The following SHQ1 variants were observed in gnomAD, a reference collection of about 807,000 sequenced individuals.
The protein encoded by SHQ1 is SHQ1, H/ACA ribonucleoprotein assembly factor, also known as protein SHQ1 homolog.
In SHQ1, 49 loss-of-function variants were observed where a neutral mutation model predicts 53.8. That is an observed-to-expected ratio of 0.91 (90% CI 0.72 to 1.16). The LOEUF (loss-of-function observed/expected upper bound fraction) is 1.16, where lower values mean the gene tolerates loss of function less well. Ranked by LOEUF, SHQ1 falls within the 50% of genes most tolerant of loss-of-function variation. The pLI is 0.00. For missense variants in SHQ1, 738 were observed against 683.1 expected, an observed-to-expected ratio of 1.08 and a Z score of -0.90; for synonymous variants, 243 against 251.0, an observed-to-expected ratio of 0.97 and a Z score of 0.30.
At chr3:72,766,487 C>G (rs1391367393) in intron 10 of SHQ1, among the ~76,000 whole-genome samples, 1 of 152,176 alleles carries the variant, frequency 6.6e-6, no homozygotes, top group Admixed American at 6.5e-5. Context: ...CACAGGTCAT[C>G]TTGTTCTTGA....
Position 72,848,307 on chromosome 3 carries a change from G to A in SHQ1, c.34C>T (p.Pro12Ser), listed in dbSNP as rs759093041. The change falls in exon 1 of 11, where the codon CCG (proline) becomes TCG (serine). Residue 12 changes from proline to serine, a missense_variant. Physicochemically the swap from Pro to Ser is moderately conservative, Grantham distance 74. Coordinates refer to ENST00000325599, the MANE Select transcript of SHQ1 (RefSeq NM_018130.3). ...LTPAFDLSQD[P>S]DFLTIAIRVP... ...CGGATGGCGATAGTCAGGAAGTCCG[G>A]ATCCTGGCTGAGGTCGAACGCCGGG... is the stretch of plus-strand genomic sequence containing the variant. The A allele has an allele frequency of 1.1e-5, 17 of 1,614,024 alleles. No homozygotes were observed. In the South Asian group the frequency reaches 1.1e-4, roughly 10 times the overall value.
At chr3:72,814,819 A>G (rs1707257240) in intron 8 of SHQ1, among the ~76,000 whole-genome samples, 1 of 152,194 alleles carries the variant, frequency 6.6e-6, no homozygotes, top group South Asian at 2.1e-4. Flanking sequence ...ACCAGACTAC[A>G]TTTGAATTGT....
intron 5 of SHQ1, among the ~76,000 whole-genome samples, chr3:72,827,485 G>A (rs569545175): frequency 6.6e-6 from 1 of 151,798 alleles, no homozygotes; most frequent in Admixed American, 6.6e-5. Flanking sequence ...CCATGATGAA[G>A]GGAAAAAGAA....
rs958236571 is a variant in SHQ1 at position 72,749,574 on chromosome 3, G to A, written c.*710C>T. 22 of 220,926 alleles carry A rather than the reference G, an allele frequency of 1.0e-4. No individual in the cohort carries two copies. Among genetic ancestry groups the A allele is most frequent in the East Asian group, 6.6e-4 (10 of 15,124 alleles). 13.7% of individuals were successfully genotyped at this position (220,926 alleles called of 1,614,324 possible). On this transcript the variant is annotated 3_prime_UTR_variant, in exon 11 of 11. Coordinates refer to ENST00000325599, the MANE Select transcript of SHQ1 (RefSeq NM_018130.3). ...AAGGGCACTTGGGAATGATGGGTCC[G>A]TTCCTCACTTCAGTTGTGGTGATAG...
chr3:72,812,884 A>C, intron 8 of SHQ1, 90 bp from the exon 9 acceptor site: 1 of 1,498,958 alleles, frequency 6.7e-7, no homozygotes, highest in Non-Finnish European at 9.1e-7. Flanking sequence ...TTCTCATTTA[A>C]AAGCTGCAAG....
chr3:72,802,083 A>C (rs563232658), intron 9 of SHQ1, among the ~76,000 whole-genome samples: 1 of 152,328 alleles, frequency 6.6e-6, no homozygotes, highest in South Asian at 2.1e-4. Flanking sequence ...ATTCTTAAGA[A>C]TTGCTATGGA....
chr3:72,808,145 CA>C (rs1302356257), intron 9 of SHQ1, among the ~76,000 whole-genome samples: 1 of 151,834 alleles, frequency 6.6e-6, no homozygotes, highest in Non-Finnish European at 1.5e-5. Flanking sequence ...TGGATAAATT[CA>C]AATTTGAAAC....
intron 10 of SHQ1, among the ~76,000 whole-genome samples, chr3:72,762,975 T>C (rs1415041877): frequency 2.0e-5 from 3 of 151,602 alleles, no homozygotes; most frequent in African/African-American, 4.9e-5. Context: ...CTGTTTCTAC[T>C]TTTAATTTTC....
At chr3:72,820,089 C>T (rs1383540608) in intron 6 of SHQ1, among the ~76,000 whole-genome samples, 1 of 152,178 alleles carries the variant, frequency 6.6e-6, no homozygotes, top group Non-Finnish European at 1.5e-5. Context: ...CCACATAATT[C>T]TCAATCACAA....
rs768182484 is a variant in SHQ1, at chr3:72,783,245, C to T, written c.1181+9671G>A. ...CTAGATAAAGGTAGAGTATTTTCCACGCTTATTCACCTCTGAAAATGGTTC... is the reference window on the plus strand; with the variant it reads ...CTAGATAAAGGTAGAGTATTTTCCATGCTTATTCACCTCTGAAAATGGTTC... On this transcript the variant is annotated intron_variant, in intron 10 of 10. Coordinates refer to ENST00000325599, the MANE Select transcript of SHQ1 (RefSeq NM_018130.3). Among the ~76,000 whole-genome samples, 14 of 152,150 alleles carry T rather than the reference C, an allele frequency of 9.2e-5. 1 individual carries two copies. Among genetic ancestry groups the T allele is most frequent in the Admixed American group, 2.0e-4 (3 of 15,260 alleles).
At chr3:72,771,512 T>C (rs986934999) in intron 10 of SHQ1, among the ~76,000 whole-genome samples, 4 of 152,198 alleles carry the variant, frequency 2.6e-5, no homozygotes, top group African/African-American at 9.7e-5. Context: ...AGTTAAGGTT[T>C]CCAGTGATAA....
chr3:72,748,043 TG>T (rs1288668028), downstream of SHQ1, among the ~76,000 whole-genome samples: 3 of 150,446 alleles, frequency 2.0e-5, no homozygotes, highest in Non-Finnish European at 4.4e-5. Flanking sequence ...GTACGCACAC[TG>T]GGAACAGTGT....
downstream of SHQ1, among the ~76,000 whole-genome samples, chr3:72,744,745 A>G (rs1047891309): frequency 2.0e-5 from 3 of 152,210 alleles, no homozygotes; most frequent in African/African-American, 7.2e-5. Flanking sequence ...AGAGAAAAGC[A>G]GCAGATCACA....
intron 10 of SHQ1, chr3:72,773,388 C>T (rs1415416132): frequency 6.3e-6 from 3 of 473,986 alleles, no homozygotes; most frequent in Non-Finnish European, 1.2e-5. Context: ...CATCCCTCAG[C>T]CTATCTCACA....
At chr3:72,753,707 C>CA (rs1445670216) in intron 10 of SHQ1, 1 of 866,550 alleles carries the variant, frequency 1.2e-6, no homozygotes, top group East Asian at 1.2e-4. Flanking sequence ...CCACTAGAGT[C>CA]AGTTAATGAT....
intron 10 of SHQ1, among the ~76,000 whole-genome samples, chr3:72,771,963 G>T: frequency 6.6e-6 from 1 of 152,206 alleles, no homozygotes; most frequent in Non-Finnish European, 1.5e-5. Flanking sequence ...ATCAGAGTCA[G>T]CCATGCCAAG....
chr3:72,779,668 C>T (rs1311676547), intron 10 of SHQ1, among the ~76,000 whole-genome samples: 1 of 152,154 alleles, frequency 6.6e-6, no homozygotes, highest in Non-Finnish European at 1.5e-5. Context: ...ATACTCAAGT[C>T]TAAAGCAGTC....
At chr3:72,737,975 G>T in the SHQ1 span, among the ~76,000 whole-genome samples, 1 of 152,152 alleles carries the variant, frequency 6.6e-6, no homozygotes, top group Non-Finnish European at 1.5e-5. Flanking sequence ...CCCACAAGTG[G>T]ATGTGTCTTT....
At chr3:72,727,319 C>G in the SHQ1 span, among the ~76,000 whole-genome samples, 3 of 152,266 alleles carry the variant, frequency 2.0e-5, no homozygotes, top group Non-Finnish European at 4.4e-5. Context: ...GCGGCTGCCC[C>G]CTCCCAAGCC....
Sources: gnomAD v4.1 joint callset for allele counts (sites outside exome capture counted in the v4.1 genomes callset) on GRCh38, gnomAD v4.1.1 for gene constraint, MANE v1.5 for transcripts, NCBI Gene and HGNC (gene_info 2026-07-23, HGNC 2026-07-21) for gene names.